The following PLCB1 variants were observed in gnomAD, a reference collection of about 807,000 sequenced individuals.
PLCB1 encodes 1-phosphatidylinositol 4,5-bisphosphate phosphodiesterase beta-1.
Under a neutral mutation model 161.8 loss-of-function variants are expected in PLCB1, and 46 were observed. That is an observed-to-expected ratio of 0.28 (90% confidence interval 0.22 to 0.36). PLCB1 has a LOEUF of 0.36. Among genes scored for constraint, PLCB1 ranks in the 10% least tolerant of loss-of-function variants. PLCB1 has a pLI of 1.00. For synonymous variants in PLCB1, 517 were observed against 503.7 expected (o/e 1.03, Z -0.35); for missense variants, 1,016 against 1,472.5 (o/e 0.69, Z 5.07).
At chr20:8,228,314 A>G (rs1979814022) in intron 2 of PLCB1, among the ~76,000 whole-genome samples, 1 of 152,092 alleles carries the variant, frequency 6.6e-6, no homozygotes, top group Admixed American at 6.6e-5. Context: ...ACTATCTCAT[A>G]CACCCACTCA....
chr20:8,278,915 C>A (rs960043159), intron 2 of PLCB1, among the ~76,000 whole-genome samples: 7 of 151,464 alleles, frequency 4.6e-5, no homozygotes, highest in African/African-American at 1.7e-4. Flanking sequence ...TAGCCTCAGA[C>A]CAGAAATAAC....
At chr20:8,654,058 G>A (rs1448928980) in intron 7 of PLCB1, among the ~76,000 whole-genome samples, 1 of 151,764 alleles carries the variant, frequency 6.6e-6, no homozygotes, top group South Asian at 2.1e-4. Context: ...CATATATTGG[G>A]GGGATCTTGT....
At chr20:8,227,706 G>A (rs1354300913) in intron 2 of PLCB1, among the ~76,000 whole-genome samples, 7 of 152,076 alleles carry the variant, frequency 4.6e-5, no homozygotes, top group Admixed American at 4.6e-4. Context: ...AATCAAGAAA[G>A]AAAAATTCCC....
At chr20:8,846,938 CTTTA>C (rs1203556685) in intron 31 of PLCB1, among the ~76,000 whole-genome samples, 1 of 152,188 alleles carries the variant, frequency 6.6e-6, no homozygotes, top group Non-Finnish European at 1.5e-5. Flanking sequence ...CATCTCACTT[CTTTA>C]TTTGCCTTTC....
At chr20:8,836,728 G>A (rs1047297573) in intron 31 of PLCB1, among the ~76,000 whole-genome samples, 1 of 152,166 alleles carries the variant, frequency 6.6e-6, no homozygotes, top group African/African-American at 2.4e-5. Flanking sequence ...TGTATATGAT[G>A]CTTTTGAACA....
intron 3 of PLCB1, among the ~76,000 whole-genome samples, chr20:8,561,150 G>A (rs1452189056): frequency 1.3e-5 from 2 of 151,882 alleles, no homozygotes; most frequent in African/African-American, 2.4e-5. Context: ...GCTGAAGACC[G>A]TTAGTGGAGA....
At chr20:8,371,071 C>G in intron 2 of PLCB1, 1 of 273,474 alleles carries the variant, frequency 3.7e-6, no homozygotes, top group Non-Finnish European at 6.9e-6. Context: ...CAGTGACTCC[C>G]AGGATTATAT....
intron 3 of PLCB1, among the ~76,000 whole-genome samples, chr20:8,455,006 C>A (rs778214870): frequency 1.8e-4 from 26 of 148,012 alleles, no homozygotes; most frequent in Non-Finnish European, 3.2e-4. Context: ...ATGGGTGAAA[C>A]CTGGGGAAGA....
rs1324423774 is a variant in PLCB1, at chr20:8,731,640, C to T, written c.1889-1598C>T. The stretch of plus-strand genomic sequence containing the variant: ...ACATCCATTGGGATGATCATATGTT[C>T]ATTTTTCAGACATAAATGTGATAAG... On this transcript the variant is annotated intron_variant, in intron 18 of 31. Transcript: ENST00000338037. Among the ~76,000 whole-genome samples the T allele has an allele frequency of 4.6e-5, 7 of 152,082 alleles. No individual in the cohort carries two copies. In the East Asian group the frequency reaches 9.6e-4, roughly 21 times the overall value.
intron 3 of PLCB1, among the ~76,000 whole-genome samples, chr20:8,449,466 A>G (rs1600408851): frequency 6.6e-6 from 1 of 152,332 alleles, no homozygotes; most frequent in East Asian, 1.9e-4. Flanking sequence ...AGGAGAGGGA[A>G]GAGAATCTGA....
chr20:8,483,565 T>C (rs574716209), intron 3 of PLCB1, among the ~76,000 whole-genome samples: 1 of 152,338 alleles, frequency 6.6e-6, no homozygotes, highest in African/African-American at 2.4e-5. Context: ...CCATAAGTAC[T>C]TGAACAGACA....
intron 2 of PLCB1, among the ~76,000 whole-genome samples, chr20:8,242,781 T>C (rs1475001045): frequency 6.6e-6 from 1 of 151,902 alleles, no homozygotes; most frequent in Non-Finnish European, 1.5e-5. Context: ...TGTGTGGCTT[T>C]GGGACATAAA....
chr20:8,165,033 G>A (rs770843829), intron 2 of PLCB1, among the ~76,000 whole-genome samples: 14 of 152,096 alleles, frequency 9.2e-5, no homozygotes, highest in Non-Finnish European at 1.6e-4. Flanking sequence ...AAATAAAAGC[G>A]GGAATAGAAT....
intron 2 of PLCB1, among the ~76,000 whole-genome samples, chr20:8,180,719 C>G (rs980073748): frequency 3.9e-5 from 6 of 152,082 alleles, no homozygotes; most frequent in Admixed American, 3.9e-4. Flanking sequence ...TTTGGGTTAA[C>G]TCAGAAGAAT....
chr20:8,667,275 T>A (rs1436661491), intron 9 of PLCB1, among the ~76,000 whole-genome samples: 1 of 152,200 alleles, frequency 6.6e-6, no homozygotes, highest in East Asian at 1.9e-4. Context: ...TTCCTCCTAT[T>A]GACTCTCTAA....
At chr20:8,603,340 A>G (rs1343467394) in intron 3 of PLCB1, among the ~76,000 whole-genome samples, 1 of 152,200 alleles carries the variant, frequency 6.6e-6, no homozygotes, top group Non-Finnish European at 1.5e-5. Flanking sequence ...AGGTTGTCAA[A>G]GTGGCTCCCA....
chr20:8,398,646 C>CA (rs1358857656), intron 3 of PLCB1, among the ~76,000 whole-genome samples: 2 of 152,204 alleles, frequency 1.3e-5, no homozygotes, highest in African/African-American at 4.8e-5. Context: ...ATGGCCTAAT[C>CA]ACTTCCCAAA....
chr20:8,339,663 G>A (rs1164149269), intron 2 of PLCB1, among the ~76,000 whole-genome samples: 3 of 152,182 alleles, frequency 2.0e-5, no homozygotes, highest in Non-Finnish European at 4.4e-5. Context: ...CTCTTCTGTT[G>A]TTGGTGATTT....
At chr20:8,619,098 A>T (rs1600196260) in intron 3 of PLCB1, among the ~76,000 whole-genome samples, 2 of 152,324 alleles carry the variant, frequency 1.3e-5, no homozygotes, top group East Asian at 3.9e-4. Context: ...AACTGGTGGG[A>T]AATTTTCTCG....
Sources: allele counts gnomAD v4.1 joint callset (sites outside exome capture counted in the v4.1 genomes callset), GRCh38; gene constraint gnomAD v4.1.1; transcripts MANE v1.5; gene names NCBI Gene and HGNC (gene_info 2026-07-23, HGNC 2026-07-21).